The following CNTNAP2 variants were observed in gnomAD, a reference collection of about 807,000 sequenced individuals.
CNTNAP2 encodes the protein contactin-associated protein-like 2.
In CNTNAP2, 98 loss-of-function variants were observed where a neutral mutation model predicts 155.2. The observed-to-expected ratio is 0.63, with a 90% confidence interval of 0.54 to 0.75. The LOEUF (loss-of-function observed/expected upper bound fraction) is 0.75. CNTNAP2 is among the 30% of genes least tolerant of loss of function. The probability of loss-of-function intolerance (pLI) is 0.00; values close to 1 mark genes in which losing one functional copy is unlikely to be tolerated. For synonymous variants in CNTNAP2, 651 were observed against 631.2 expected (o/e 1.03, Z -0.47); for missense variants, 1,727 against 1,688.1 (o/e 1.02, Z -0.40).
At chr7:146,294,378 C>T (rs1325901439) in intron 1 of CNTNAP2, among the ~76,000 whole-genome samples, 1 of 152,064 alleles carries the variant, frequency 6.6e-6, no homozygotes. Flanking sequence ...GGAAAGGTAG[C>T]CTAGAAGAGG....
At chr7:147,020,761 C>A (rs1038975676) in intron 3 of CNTNAP2, among the ~76,000 whole-genome samples, 1 of 152,046 alleles carries the variant, frequency 6.6e-6, no homozygotes, top group Non-Finnish European at 1.5e-5. Context: ...ATATCAGGGG[C>A]TTGGAAGTTT....
intron 1 of CNTNAP2, among the ~76,000 whole-genome samples, chr7:146,310,018 A>G (rs1800792320): frequency 6.6e-6 from 1 of 152,166 alleles, no homozygotes; most frequent in South Asian, 2.1e-4. Context: ...TTGTGTAATG[A>G]CTGTGCAAAT....
intron 3 of CNTNAP2, among the ~76,000 whole-genome samples, chr7:146,924,203 C>G (rs1472018092): frequency 1.3e-5 from 2 of 152,046 alleles, no homozygotes; most frequent in East Asian, 3.9e-4. Flanking sequence ...GTCTCTAGAT[C>G]CATTTCTGAC....
chr7:146,535,328 T>C (rs1273537369), intron 1 of CNTNAP2, among the ~76,000 whole-genome samples: 2 of 66,644 alleles, frequency 3.0e-5, no homozygotes, highest in African/African-American at 1.2e-4. Context: ...ATATATTATA[T>C]ATTATATAAT....
Position 146,476,692 on chromosome 7 carries a change from G to A in CNTNAP2, c.98-297579G>A, listed in dbSNP as rs564146911. Among the ~76,000 whole-genome samples, 12 of 152,174 alleles carry A rather than the reference G, an allele frequency of 7.9e-5. No individual in the cohort carries two copies. In the South Asian group the frequency reaches 2.1e-3, roughly 26 times the overall value. ...AATTGGTTAAGATTAAATTGATTTG[G>A]TTTAAATAAGACTATATATGGAGAA... On this transcript the variant is annotated intron_variant, in intron 1 of 23. Transcript: ENST00000361727.
chr7:148,367,689 C>T (rs1430544187), intron 21 of CNTNAP2, among the ~76,000 whole-genome samples: 1 of 152,032 alleles, frequency 6.6e-6, no homozygotes, highest in Non-Finnish European at 1.5e-5. Context: ...CCCCAAGATG[C>T]CTAAGAGTCA....
intron 1 of CNTNAP2, among the ~76,000 whole-genome samples, chr7:146,503,983 T>C (rs1467676031): frequency 6.6e-6 from 1 of 152,200 alleles, no homozygotes; most frequent in Admixed American, 6.5e-5. Flanking sequence ...CAGACAACAG[T>C]GGCTCAAAGC....
At chr7:147,619,633 G>C (rs879468111) in intron 12 of CNTNAP2, among the ~76,000 whole-genome samples, 2 of 152,218 alleles carry the variant, frequency 1.3e-5, no homozygotes, top group Non-Finnish European at 2.9e-5. Flanking sequence ...GCTGCATCTT[G>C]TGGCTTGAGT....
At chr7:147,403,168 C>T (rs1040931479) in intron 10 of CNTNAP2, among the ~76,000 whole-genome samples, 2 of 152,134 alleles carry the variant, frequency 1.3e-5, no homozygotes, top group African/African-American at 4.8e-5. Context: ...CTATTAATTC[C>T]ATGTCTTTAA....
At chr7:146,573,429 C>A (rs1798473764) in intron 1 of CNTNAP2, among the ~76,000 whole-genome samples, 1 of 152,192 alleles carries the variant, frequency 6.6e-6, no homozygotes, top group South Asian at 2.1e-4. Flanking sequence ...GTGGGAGCCA[C>A]TGCGCCTGGC....
chr7:146,258,777 G>GC (rs1379016862), intron 1 of CNTNAP2, among the ~76,000 whole-genome samples: 1 of 152,138 alleles, frequency 6.6e-6, no homozygotes, highest in African/African-American at 2.4e-5. Flanking sequence ...ACTCTCTTTT[G>GC]AAGTGACATT....
At chr7:146,659,824 A>G (rs530714511) in intron 1 of CNTNAP2, among the ~76,000 whole-genome samples, 9 of 152,314 alleles carry the variant, frequency 5.9e-5, no homozygotes, top group African/African-American at 2.2e-4. Context: ...CAGTGCTCCA[A>G]TTAAGCCTTT....
intron 13 of CNTNAP2, among the ~76,000 whole-genome samples, chr7:147,871,328 C>A (rs753338540): frequency 6.6e-6 from 1 of 152,192 alleles, no homozygotes; most frequent in Non-Finnish European, 1.5e-5. Context: ...TCTGTCTGAC[C>A]TGAAGGCCAC....
At chr7:146,808,333 G>A (rs539541569) in intron 2 of CNTNAP2, among the ~76,000 whole-genome samples, 27 of 152,286 alleles carry the variant, frequency 1.8e-4, no homozygotes, top group African/African-American at 5.8e-4. Context: ...TTGATTGAGA[G>A]CACTGTAGAG....
intron 10 of CNTNAP2, among the ~76,000 whole-genome samples, chr7:147,476,464 A>G (rs1798322652): frequency 6.7e-6 from 1 of 150,284 alleles, no homozygotes; most frequent in Non-Finnish European, 1.5e-5. Context: ...TCCCGTTAGT[A>G]GTGTTTGTGG....
rs187019204 is a variant in CNTNAP2 at position 146,299,145 on chromosome 7, C to T, written c.97+182172C>T. Among the ~76,000 whole-genome samples, 1,083 of 152,132 alleles carry T rather than the reference C, an allele frequency of 7.1e-3. 10 individuals are homozygous for T. The highest frequency in any genetic ancestry group is 0.013 in the South Asian group (65 of 4,816). On this transcript the variant is annotated intron_variant, in intron 1 of 23. Coordinates refer to ENST00000361727, the MANE Select transcript of CNTNAP2 (RefSeq NM_014141.6). ...AATTAGCCAGGTGTGGTGGCATGTG[C>T]CTGTAATCCCAGCTACTTGGGAGGG...
intron 3 of CNTNAP2, among the ~76,000 whole-genome samples, chr7:146,887,748 T>G (rs1795696624): frequency 6.6e-6 from 1 of 152,174 alleles, no homozygotes. Context: ...CTGATATGCT[T>G]TTTTTCTAAG....
intron 11 of CNTNAP2, among the ~76,000 whole-genome samples, chr7:147,526,838 A>G (rs1799330651): frequency 1.3e-5 from 2 of 152,054 alleles, no homozygotes; most frequent in Non-Finnish European, 2.9e-5. Context: ...ACGTTTCCAA[A>G]TAACTTGGGA....
intron 4 of CNTNAP2, among the ~76,000 whole-genome samples, chr7:147,073,159 G>A (rs1319960339): frequency 6.7e-6 from 1 of 148,338 alleles, no homozygotes; most frequent in Middle Eastern, 3.4e-3. Flanking sequence ...TTAAGTTCAG[G>A]ACTACATATG....
Sources: allele counts gnomAD v4.1 joint callset (sites outside exome capture counted in the v4.1 genomes callset), GRCh38; gene constraint gnomAD v4.1.1; transcripts MANE v1.5; gene names NCBI Gene and HGNC (gene_info 2026-07-23, HGNC 2026-07-21).